Variants in CTNNA2 observed in about 807,000 individuals in gnomAD.
The protein encoded by CTNNA2 is catenin alpha-2.
A neutral mutation model predicts 101.0 loss-of-function variants in CTNNA2; 42 were observed. That is an observed-to-expected ratio of 0.42 (90% CI 0.32 to 0.54). The LOEUF (loss-of-function observed/expected upper bound fraction) is 0.54, where lower values mean the gene tolerates loss of function less well. Ranked by LOEUF, CTNNA2 falls within the 20% of genes least tolerant of loss-of-function variation. The probability of loss-of-function intolerance (pLI) is 0.14; values close to 1 mark genes in which losing one functional copy is unlikely to be tolerated. For synonymous variants in CTNNA2, 450 were observed against 456.4 expected, an observed-to-expected ratio of 0.99 and a Z score of 0.18; for missense variants, 871 against 1,223.1, an observed-to-expected ratio of 0.71 and a Z score of 4.29.
At chr2:79,500,844 CT>C (rs1253985824) in intron 4 of CTNNA2, 1 of 152,276 alleles carries the variant, frequency 6.6e-6, no homozygotes, top group Non-Finnish European at 1.5e-5. Context: ...TGCAGGCCTT[CT>C]TCGTCATGGT....
At chr2:79,886,502 A>C (rs1017015235) in intron 6 of CTNNA2, among the ~76,000 whole-genome samples, 1 of 152,022 alleles carries the variant, frequency 6.6e-6, no homozygotes, top group African/African-American at 2.4e-5. Flanking sequence ...CTGTAATCCC[A>C]GCACTTTGGG....
At chr2:80,640,521 G>A (rs769749965) in intron 18 of CTNNA2, among the ~76,000 whole-genome samples, 2 of 152,134 alleles carry the variant, frequency 1.3e-5, no homozygotes, top group Non-Finnish European at 1.5e-5. Context: ...GTCTTTGTTT[G>A]CTTGAGTTAT....
chr2:80,017,432 A>G (rs908388687), intron 7 of CTNNA2, among the ~76,000 whole-genome samples: 2 of 151,974 alleles, frequency 1.3e-5, no homozygotes, highest in East Asian at 1.9e-4. Context: ...ATTTACATTG[A>G]GATATATATA....
Position 80,069,740 on chromosome 2 carries a change from A to G in CTNNA2, c.1056+159943A>G, listed in dbSNP as rs2148775510. On this transcript the variant is annotated intron_variant, in intron 7 of 18. Transcript: ENST00000402739. Reference sequence around the variant, plus strand: ...TGTGTGTATAAATTCATAACTAATAAGAAAGAAATACTCATGTCAGTGACA... The same window carrying G: ...TGTGTGTATAAATTCATAACTAATAGGAAAGAAATACTCATGTCAGTGACA... Among the ~76,000 whole-genome samples, 3 of 152,314 alleles carry G rather than the reference A, an allele frequency of 2.0e-5. No individual in the cohort carries two copies. The South Asian group carries it at 6.2e-4, about 32-fold the overall frequency.
At chr2:79,756,048 C>T (rs1672375345) in intron 3 of CTNNA2, among the ~76,000 whole-genome samples, 1 of 142,508 alleles carries the variant, frequency 7.0e-6, no homozygotes, top group African/African-American at 2.5e-5. Context: ...CCAAAGTTTG[C>T]ATTAGCTGAG....
intron 3 of CTNNA2, among the ~76,000 whole-genome samples, chr2:79,361,911 G>T (rs545101133): frequency 2.6e-5 from 4 of 152,090 alleles, no homozygotes; most frequent in Admixed American, 2.6e-4. Context: ...TTAATGGTAG[G>T]TCTGCCTTTC....
chr2:79,414,027 A>T (rs1678449370), intron 4 of CTNNA2, among the ~76,000 whole-genome samples: 1 of 149,560 alleles, frequency 6.7e-6, no homozygotes, highest in Admixed American at 6.7e-5. Flanking sequence ...TCAAGATTTG[A>T]ACTCAGGCAT....
Position 79,869,825 on chromosome 2 carries a change from G to T in CTNNA2, c.475G>T (p.Ala159Ser). Residue 159 changes from alanine (A) to serine (S), a missense_variant, in exon 5 of 19, where the codon GCC becomes TCC. This residue lies in a region of CTNNA2 where 647 missense variants were observed against 831.5 expected (regional missense o/e 0.78). Transcript: ENST00000402739. ...TTTTTCACCACTGCAGGTGGAAGAG[G>T]CCCTGGAAGCTGTCAAAAATGCTAC... ...LLSHLKIVEE[A>S]LEAVKNATNE... 1 of 1,613,824 alleles carries T rather than the reference G, an allele frequency of 6.2e-7. No individual in the cohort carries two copies. Among genetic ancestry groups the T allele is most frequent in the South Asian group, 1.1e-5 (1 of 91,022 alleles).
chr2:79,865,251 G>A (rs910110751), intron 4 of CTNNA2, among the ~76,000 whole-genome samples: 3 of 152,138 alleles, frequency 2.0e-5, no homozygotes, highest in African/African-American at 7.2e-5. Flanking sequence ...GAAATATAAA[G>A]TATGATAATG....
intron 17 of CTNNA2, among the ~76,000 whole-genome samples, chr2:80,615,744 A>T (rs1698799048): frequency 6.6e-6 from 1 of 151,694 alleles, no homozygotes; most frequent in Non-Finnish European, 1.5e-5. Flanking sequence ...GCCTAAGTTA[A>T]ATCATTTATA....
intron 9 of CTNNA2, among the ~76,000 whole-genome samples, chr2:80,536,140 C>T (rs1327242558): frequency 1.6e-4 from 25 of 152,168 alleles, no homozygotes; most frequent in Non-Finnish European, 1.5e-5. Flanking sequence ...CCTTGTGGTT[C>T]TCTAGAAGAT....
At chr2:80,616,319 T>C (rs1698848591) in intron 17 of CTNNA2, 2 of 151,732 alleles carry the variant, frequency 1.3e-5, no homozygotes, top group Admixed American at 1.3e-4. Flanking sequence ...GAACTTCCAA[T>C]TTGAATCTGC....
chr2:80,529,609 T>TA (rs1161921626), intron 9 of CTNNA2, among the ~76,000 whole-genome samples: 2 of 152,164 alleles, frequency 1.3e-5, no homozygotes, highest in African/African-American at 4.8e-5. Flanking sequence ...GTATGCTTGC[T>TA]AAACTTGGAT....
intron 7 of CTNNA2, chr2:80,288,251 G>A (rs1674941960): frequency 6.6e-6 from 1 of 152,090 alleles, no homozygotes; most frequent in East Asian, 1.9e-4. Context: ...AAATTGCTTT[G>A]GGAAATGACG....
chr2:79,752,249 G>A (rs562997733), intron 3 of CTNNA2, among the ~76,000 whole-genome samples: 1 of 152,010 alleles, frequency 6.6e-6, no homozygotes, highest in East Asian at 1.9e-4. Flanking sequence ...ACTAAATTAG[G>A]GAAAGCAATC....
intron 18 of CTNNA2, among the ~76,000 whole-genome samples, chr2:80,623,869 A>G (rs1164146098): frequency 6.6e-6 from 1 of 152,010 alleles, no homozygotes; most frequent in Non-Finnish European, 1.5e-5. Flanking sequence ...GTAAAAAATT[A>G]AAGTATCATG....
At chr2:79,345,846 T>C (rs1459702002) in intron 3 of CTNNA2, among the ~76,000 whole-genome samples, 11 of 147,380 alleles carry the variant, frequency 7.5e-5, no homozygotes, top group Non-Finnish European at 1.5e-4. Context: ...GCGCCAGCCA[T>C]CACGCCCGGT....
chr2:79,253,990 A>G (rs1287911767), intron 2 of CTNNA2, among the ~76,000 whole-genome samples: 2 of 152,174 alleles, frequency 1.3e-5, no homozygotes, highest in Admixed American at 1.3e-4. Flanking sequence ...CTCATAGATT[A>G]TCTCAAAGAG....
chr2:80,312,457 A>G (rs1056753857), intron 7 of CTNNA2, among the ~76,000 whole-genome samples: 1 of 152,240 alleles, frequency 6.6e-6, no homozygotes, highest in Non-Finnish European at 1.5e-5. Flanking sequence ...GGTGACCAGA[A>G]TGAGTCAGGA....
Sources: gnomAD v4.1 joint callset for allele counts (sites outside exome capture counted in the v4.1 genomes callset) on GRCh38, gnomAD v4.1.1 for gene constraint, gnomAD v4.1.1 regional missense constraint, MANE v1.5 for transcripts, NCBI Gene and HGNC (gene_info 2026-07-23, HGNC 2026-07-21) for gene names.